Variants in RBM47 observed in about 807,000 individuals in gnomAD.
RBM47 encodes RNA binding motif protein 47, also known as RNA-binding protein 47.
Under a neutral mutation model 47.1 loss-of-function variants are expected in RBM47, and 21 were observed. That is an observed-to-expected ratio of 0.45 (90% CI 0.32 to 0.64). The LOEUF (loss-of-function observed/expected upper bound fraction) is 0.64. RBM47 is among the 30% of genes least tolerant of loss of function. The probability of loss-of-function intolerance (pLI) is 0.05; values close to 1 mark genes in which losing one functional copy is unlikely to be tolerated. For missense variants in RBM47, 708 were observed against 870.9 expected (o/e 0.81, Z 2.35); for synonymous variants, 375 against 361.7 (o/e 1.04, Z -0.42).
intron 1 of RBM47, among the ~76,000 whole-genome samples, chr4:40,557,747 CT>C (rs1730238648): frequency 2.6e-5 from 2 of 77,392 alleles, no homozygotes; most frequent in Non-Finnish European, 6.8e-5. Flanking sequence ...GAAACCCCAC[CT>C]TAAAAAAAAA....
At chr4:40,618,841 CT>C (rs1736990920) in intron 1 of RBM47, among the ~76,000 whole-genome samples, 1 of 133,428 alleles carries the variant, frequency 7.5e-6, no homozygotes, top group Admixed American at 7.8e-5. Context: ...AAAAGGGAAA[CT>C]TCCAGCATCT....
At chr4:40,621,971 A>T (rs1448118896) in intron 1 of RBM47, among the ~76,000 whole-genome samples, 3 of 152,260 alleles carry the variant, frequency 2.0e-5, no homozygotes, top group Non-Finnish European at 4.4e-5. Flanking sequence ...GGTCTGGGAG[A>T]AAACCCATGC....
At chr4:40,456,928 A>G (rs1021401482) in intron 3 of RBM47, among the ~76,000 whole-genome samples, 1 of 151,444 alleles carries the variant, frequency 6.6e-6, no homozygotes, top group African/African-American at 2.4e-5. Flanking sequence ...AGAAACTGAG[A>G]AGGAGGGCGA....
intron 6 of RBM47, chr4:40,427,669 C>T (rs910090362): frequency 1.3e-5 from 2 of 152,150 alleles, no homozygotes; most frequent in Non-Finnish European, 2.9e-5. Context: ...TCAAAATAAA[C>T]AATTCAGCAT....
chr4:40,488,061 C>T (rs892537130), intron 2 of RBM47, among the ~76,000 whole-genome samples: 11 of 152,096 alleles, frequency 7.2e-5, no homozygotes, highest in African/African-American at 2.4e-4. Context: ...GTGGCTCACA[C>T]CTGTAATCCC....
At chr4:40,588,915 C>T (rs1415384420) in intron 1 of RBM47, among the ~76,000 whole-genome samples, 5 of 150,484 alleles carry the variant, frequency 3.3e-5, no homozygotes, top group Admixed American at 2.0e-4. Context: ...CCATCAAAAA[C>T]TCTGGGATTT....
intron 6 of RBM47, 116 bp downstream of exon 6, chr4:40,432,535 C>T: frequency 6.6e-7 from 1 of 1,522,198 alleles, no homozygotes; most frequent in Non-Finnish European, 8.8e-7. Flanking sequence ...GTCACCCAAC[C>T]ATAGCTGTAA....
chr4:40,484,757 C>T (rs569898620), intron 2 of RBM47, among the ~76,000 whole-genome samples: 1 of 152,286 alleles, frequency 6.6e-6, no homozygotes, highest in Admixed American at 6.5e-5. Context: ...TAACTCTCTT[C>T]TAGAATCACC....
At chr4:40,444,083 C>T (rs1714126268) in intron 3 of RBM47, among the ~76,000 whole-genome samples, 2 of 151,990 alleles carry the variant, frequency 1.3e-5, no homozygotes. Context: ...CCTGTAGTCC[C>T]AGCTATTTGG....
At chr4:40,498,425 G>A (rs1407012039) in intron 2 of RBM47, among the ~76,000 whole-genome samples, 1 of 152,070 alleles carries the variant, frequency 6.6e-6, no homozygotes, top group East Asian at 1.9e-4. Context: ...GGCCAGGCAT[G>A]GTGGCTCACG....
chr4:40,489,459 A>T (rs1295112434), intron 2 of RBM47, among the ~76,000 whole-genome samples: 2 of 152,178 alleles, frequency 1.3e-5, no homozygotes, highest in Non-Finnish European at 2.9e-5. Flanking sequence ...GAAAAGACTC[A>T]ACTTACTAAA....
At chr4:40,522,792 T>A (rs935906715) in intron 2 of RBM47, among the ~76,000 whole-genome samples, 5 of 152,068 alleles carry the variant, frequency 3.3e-5, no homozygotes, top group Non-Finnish European at 7.4e-5. Context: ...CTTTATCTAC[T>A]TTTTTTGGAA....
intron 3 of RBM47, among the ~76,000 whole-genome samples, chr4:40,451,382 G>C (rs908697591): frequency 6.6e-6 from 1 of 152,046 alleles, no homozygotes; most frequent in Non-Finnish European, 1.5e-5. Flanking sequence ...TAATTGACTT[G>C]TCATCACAGC....
intron 1 of RBM47, among the ~76,000 whole-genome samples, chr4:40,556,863 C>T (rs921201553): frequency 1.3e-5 from 2 of 151,654 alleles, no homozygotes; most frequent in Non-Finnish European, 2.9e-5. Flanking sequence ...GCACTCCAGC[C>T]TGGGCAACAG....
chr4:40,568,863 C>A (rs561699852), intron 1 of RBM47, among the ~76,000 whole-genome samples: 2 of 151,930 alleles, frequency 1.3e-5, no homozygotes, highest in East Asian at 3.9e-4. Flanking sequence ...TGCCTGTAGT[C>A]CCAGCTACTC....
At chr4:40,599,568 C>T (rs1241318276) in intron 1 of RBM47, among the ~76,000 whole-genome samples, 2 of 152,044 alleles carry the variant, frequency 1.3e-5, no homozygotes, top group Non-Finnish European at 2.9e-5. Flanking sequence ...CTTTGCTGTC[C>T]TATCTCTTGG....
At chr4:40,523,502 T>A (rs1315566832) in intron 2 of RBM47, among the ~76,000 whole-genome samples, 1 of 151,948 alleles carries the variant, frequency 6.6e-6, no homozygotes, top group Non-Finnish European at 1.5e-5. Flanking sequence ...AATACAAAAA[T>A]TAGCTGGGCA....
intron 1 of RBM47, among the ~76,000 whole-genome samples, chr4:40,606,036 T>TAA (rs564276577): frequency 1.4e-4 from 18 of 130,016 alleles, no homozygotes; most frequent in East Asian, 2.3e-4. Flanking sequence ...TTTCTCTACT[T>TAA]AAAAAAAAAA....
chr4:40,433,412 C>T (rs1276110207), intron 5 of RBM47, among the ~76,000 whole-genome samples: 2 of 152,026 alleles, frequency 1.3e-5, no homozygotes, highest in African/African-American at 4.8e-5. Flanking sequence ...TGGAAGAGAC[C>T]CCTAGAGTAA....
Sources: allele counts gnomAD v4.1 joint callset (sites outside exome capture counted in the v4.1 genomes callset), GRCh38; gene constraint gnomAD v4.1.1; transcripts MANE v1.5; gene names NCBI Gene and HGNC (gene_info 2026-07-23, HGNC 2026-07-21).